RABGAP1L: variants seen among roughly 807,000 people sequenced by gnomAD.
RABGAP1L encodes the protein RAB GTPase activating protein 1 like.
RABGAP1L carries 63 observed loss-of-function variants against 137.7 expected under a neutral mutation model. The observed-to-expected ratio is 0.46, with a 90% confidence interval of 0.37 to 0.56. The LOEUF is 0.56. RABGAP1L is among the 20% of genes least tolerant of loss of function. The pLI, the probability that RABGAP1L is intolerant of heterozygous loss-of-function variation, is 0.00. For missense variants in RABGAP1L, 1,095 were observed against 1,244.0 expected (o/e 0.88, Z 1.80); for synonymous variants, 431 against 433.7 (o/e 0.99, Z 0.08).
At position 174,201,143 on chromosome 1, in the gene RABGAP1L, C is replaced by T. The variant is rs537172667; in HGVS notation, c.-33-17982C>T. ...TTTAATTTTTCTTTTTTTGCAGAGA[C>T]AAGAGTCTCCCTCTGTTGCTCAGGC... On this transcript the variant is annotated intron_variant, in intron 1 of 25. Transcript: ENST00000681986. Among the ~76,000 whole-genome samples the T allele has an allele frequency of 2.9e-3, 441 of 152,078 alleles. 2 individuals carry two copies. The highest frequency in any genetic ancestry group is 4.6e-3 in the Non-Finnish European group (310 of 67,978).
intron 19 of RABGAP1L, among the ~76,000 whole-genome samples, chr1:174,904,262 T>G (rs1658662345): frequency 6.6e-6 from 1 of 152,078 alleles, no homozygotes; most frequent in African/African-American, 2.4e-5. Flanking sequence ...ATCCCTGTAC[T>G]TTGGTGGCTA....
chr1:174,419,870 G>A (rs1025797033), intron 13 of RABGAP1L, among the ~76,000 whole-genome samples: 3 of 152,070 alleles, frequency 2.0e-5, no homozygotes, highest in African/African-American at 7.2e-5. Flanking sequence ...CTTGGGTTTT[G>A]GCTGTCCGCT....
Position 174,806,297 on chromosome 1 carries a change from G to A in RABGAP1L, c.2212-5535G>A, listed in dbSNP as rs556038445. On this transcript the variant is annotated intron_variant, in intron 18 of 25. Transcript: ENST00000681986. ...TGAGCACTAATTATCTGCAGAGCCAGCTCATTAATAATTAGTATGTGTGCA... is the reference window on the plus strand; with the variant it reads ...TGAGCACTAATTATCTGCAGAGCCAACTCATTAATAATTAGTATGTGTGCA... Among the ~76,000 whole-genome samples, 4 of 152,286 alleles carry A rather than the reference G, an allele frequency of 2.6e-5. No individual in the cohort carries two copies. The South Asian group carries it at 8.3e-4, about 32-fold the overall frequency.
intron 19 of RABGAP1L, among the ~76,000 whole-genome samples, chr1:174,861,412 G>A (rs1021503833): frequency 2.0e-5 from 3 of 151,996 alleles, no homozygotes; most frequent in East Asian, 1.9e-4. Context: ...ATTCTGCAGC[G>A]AATGTAGGAG....
chr1:174,873,177 T>C (rs1220441160), intron 19 of RABGAP1L, among the ~76,000 whole-genome samples: 3 of 151,826 alleles, frequency 2.0e-5, no homozygotes, highest in Non-Finnish European at 4.4e-5. Flanking sequence ...CAAGCGATTC[T>C]CCTGCCTCAG....
chr1:174,449,245 C>A, intron 13 of RABGAP1L: 1 of 1,468,264 alleles, frequency 6.8e-7, no homozygotes. Context: ...GGTTTTGGAT[C>A]ATATTCTAGA....
chr1:174,570,272 G>A (rs1201101083), intron 13 of RABGAP1L, among the ~76,000 whole-genome samples: 1 of 152,124 alleles, frequency 6.6e-6, no homozygotes, highest in African/African-American at 2.4e-5. Context: ...GAGGTATAAC[G>A]GTGATGCAGG....
At chr1:174,780,676 G>A (rs993112486) in intron 18 of RABGAP1L, among the ~76,000 whole-genome samples, 56 of 150,434 alleles carry the variant, frequency 3.7e-4, no homozygotes, top group Non-Finnish European at 7.0e-4. Flanking sequence ...CCATTAACTC[G>A]TCATTTACAT....
At chr1:174,254,050 G>T (rs981461623) in intron 7 of RABGAP1L, among the ~76,000 whole-genome samples, 3 of 151,848 alleles carry the variant, frequency 2.0e-5, no homozygotes, top group African/African-American at 7.3e-5. Flanking sequence ...GGCCACTTCT[G>T]TTCCTCTTAA....
At chr1:174,425,538 A>T (rs748823307) in intron 13 of RABGAP1L, among the ~76,000 whole-genome samples, 24 of 152,090 alleles carry the variant, frequency 1.6e-4, no homozygotes, top group Non-Finnish European at 3.1e-4. Flanking sequence ...TTAGATTCTC[A>T]TGAAATCCCC....
chr1:174,723,379 T>C (rs1164812980), intron 17 of RABGAP1L, among the ~76,000 whole-genome samples: 2 of 152,212 alleles, frequency 1.3e-5, no homozygotes, highest in Non-Finnish European at 2.9e-5. Flanking sequence ...CCGTCCAAAA[T>C]TTTTGTAAGT....
intron 13 of RABGAP1L, among the ~76,000 whole-genome samples, chr1:174,416,019 C>CATACATATATAT (rs1192968896): frequency 3.1e-5 from 4 of 129,098 alleles, no homozygotes; most frequent in African/African-American, 1.5e-4. Context: ...AGAAAATTTA[C>CATACATATATAT]ATATATATAT....
At chr1:174,391,176 A>T (rs901277951) in intron 12 of RABGAP1L, among the ~76,000 whole-genome samples, 7 of 152,178 alleles carry the variant, frequency 4.6e-5, no homozygotes, top group African/African-American at 1.7e-4. Context: ...TCAAGGAGAG[A>T]TGCAGAAGCC....
chr1:174,306,222 C>A (rs956646149), intron 11 of RABGAP1L, among the ~76,000 whole-genome samples: 4 of 152,194 alleles, frequency 2.6e-5, no homozygotes, highest in Non-Finnish European at 4.4e-5. Context: ...CTGCAATAAA[C>A]GTACGTGTGC....
intron 18 of RABGAP1L, among the ~76,000 whole-genome samples, chr1:174,801,849 G>A (rs937356787): frequency 9.9e-5 from 15 of 152,078 alleles, no homozygotes; most frequent in Non-Finnish European, 1.0e-4. Context: ...ATTGTGAAGT[G>A]CTAAACTATA....
chr1:174,570,905 A>G (rs1381846239), intron 13 of RABGAP1L, among the ~76,000 whole-genome samples: 2 of 152,170 alleles, frequency 1.3e-5, no homozygotes, highest in South Asian at 2.1e-4. Context: ...TGATGCACCA[A>G]TTCCACTGCT....
chr1:174,255,858 T>C (rs1673078459), intron 7 of RABGAP1L, among the ~76,000 whole-genome samples: 1 of 152,172 alleles, frequency 6.6e-6, no homozygotes, highest in Non-Finnish European at 1.5e-5. Context: ...TGCTACTCGC[T>C]ATACACACAC....
chr1:174,278,584 G>C, intron 9 of RABGAP1L, 29 bp from the exon 10 acceptor site: 1 of 1,565,274 alleles, frequency 6.4e-7, no homozygotes, highest in Non-Finnish European at 8.7e-7. Flanking sequence ...AATAAAGCTC[G>C]CATAAAACCC....
intron 13 of RABGAP1L, among the ~76,000 whole-genome samples, chr1:174,618,384 G>C (rs1012339849): frequency 6.6e-6 from 1 of 152,184 alleles, no homozygotes; most frequent in Admixed American, 6.5e-5. Context: ...TAACTGGGAG[G>C]CACCCTGCAG....
Sources: gnomAD v4.1 joint callset for allele counts (sites outside exome capture counted in the v4.1 genomes callset) on GRCh38, gnomAD v4.1.1 for gene constraint, MANE v1.5 for transcripts, NCBI Gene and HGNC (gene_info 2026-07-23, HGNC 2026-07-21) for gene names.